Variants in BBOF1 observed in about 807,000 individuals in gnomAD.
The protein encoded by BBOF1 is basal body orientation factor 1.
A neutral mutation model predicts 68.0 loss-of-function variants in BBOF1; 62 were observed. That is an observed-to-expected ratio of 0.91 (90% confidence interval 0.74 to 1.13). The LOEUF is 1.13. Among genes scored for constraint, BBOF1 ranks in the 50% most tolerant of loss-of-function variants. BBOF1 has a pLI of 0.00. For synonymous variants in BBOF1, 208 were observed against 198.8 expected (o/e 1.05, Z -0.39); for missense variants, 534 against 600.1 (o/e 0.89, Z 1.15).
rs1352731764 is a variant in BBOF1 at position 74,046,131 on chromosome 14, G to A, written c.647+1G>A. 1 of 1,601,834 alleles carries A rather than the reference G, an allele frequency of 6.2e-7. No homozygotes were observed. Among genetic ancestry groups the A allele is most frequent in the Non-Finnish European group, 8.5e-7 (1 of 1,174,120 alleles). On this transcript the variant is annotated splice_donor_variant, in intron 6 of 11. Transcript: ENST00000394009. LOFTEE classifies it high-confidence loss of function. ...AGAGAGCCCACCATGAGGCTATTGT[G>A]TAAGAGACTGCTGCCTACTTTCTGA... is the stretch of plus-strand genomic sequence containing the variant.
At chr14:74,043,544 G>A (rs1332630769) in intron 5 of BBOF1, among the ~76,000 whole-genome samples, 2 of 114,804 alleles carry the variant, frequency 1.7e-5, no homozygotes, top group African/African-American at 6.6e-5. Flanking sequence ...GCAACAGAGC[G>A]AGACTCCGTC....
chr14:74,037,206 G>A (rs1039359092), intron 4 of BBOF1, among the ~76,000 whole-genome samples: 13 of 146,724 alleles, frequency 8.9e-5, no homozygotes, highest in Admixed American at 6.9e-4. Context: ...ATCTCCTGAC[G>A]TCATGATCTG....
chr14:74,053,921 C>G (rs1199107024), intron 8 of BBOF1, among the ~76,000 whole-genome samples: 1 of 151,758 alleles, frequency 6.6e-6, no homozygotes, highest in Admixed American at 6.6e-5. Context: ...GTCACCCAGG[C>G]TGGAGTGCAG....
At chr14:74,048,957 T>C (rs10150894) in intron 7 of BBOF1, among the ~76,000 whole-genome samples, 36,635 of 151,984 alleles carry the variant, frequency 0.24, 4,994 homozygotes, top group South Asian at 0.46. Flanking sequence ...ACTGCAACCT[T>C]TACCTCCTGG....
intron 4 of BBOF1, among the ~76,000 whole-genome samples, chr14:74,039,822 C>G (rs2059793004): frequency 6.6e-6 from 1 of 151,978 alleles, no homozygotes; most frequent in Non-Finnish European, 1.5e-5. Context: ...GTGTGTGCTG[C>G]CTACTTACCT....
rs2060241720 is a variant in BBOF1, at chr14:74,057,486, T to C, written c.1578+228T>C. ...GTGTGCCTCTTTTTGTGTAGAAACC[T>C]ATAGGTTGCCTTTTGAAGTAAACAG... On this transcript the variant is annotated intron_variant, in intron 11 of 11. Coordinates refer to ENST00000394009, the MANE Select transcript of BBOF1 (RefSeq NM_025057.3). The C allele has an allele frequency of 2.1e-6, 3 of 1,420,478 alleles. No homozygotes were observed. The African/African-American group carries it at 4.3e-5, about 20-fold the overall frequency. 88.0% of individuals were successfully genotyped at this position (1,420,478 alleles called of 1,614,324 possible).
At chr14:74,069,070 G>A, downstream of BBOF1, 3 of 1,110,634 alleles carry the variant, frequency 2.7e-6, no homozygotes, top group Non-Finnish European at 3.9e-6. Flanking sequence ...CTATGGATTT[G>A]AAGTTTTCCT....
Position 74,050,123 on chromosome 14 carries a change from A to G in BBOF1, c.1214A>G (p.Lys405Arg). 1 of 1,608,960 alleles carries G rather than the reference A, an allele frequency of 6.2e-7. No individual in the cohort carries two copies. The highest frequency in any genetic ancestry group is 1.3e-5 in the African/African-American group (1 of 74,902). Reference sequence around the variant, plus strand: ...TGTACAGGAAGAACAGAATATCCCAAAATCAGAACATTTGATGGCAGAGAG... The same window carrying G: ...TGTACAGGAAGAACAGAATATCCCAGAATCAGAACATTTGATGGCAGAGAG... ...AACTGRTEYP[K>R]IRTFDGREHS... Residue 405 changes from lysine (K) to arginine (R), a missense_variant, in exon 8 of 12, where the codon AAA becomes AGA. Lys to Arg is a conservative substitution (Grantham distance 26, BLOSUM62 2). Coordinates refer to ENST00000394009, the MANE Select transcript of BBOF1 (RefSeq NM_025057.3).
intron 1 of BBOF1, among the ~76,000 whole-genome samples, chr14:74,020,688 G>A (rs1407342188): frequency 6.6e-6 from 1 of 151,998 alleles, no homozygotes; most frequent in African/African-American, 2.4e-5. Context: ...ATTTTTAGTG[G>A]AGACAGGGTT....
At position 74,075,013 on chromosome 14, in the gene BBOF1, G is replaced by A. The variant is rs144485979; in HGVS notation, n.1380-3183G>A. On this transcript the variant is annotated intron_variant and non_coding_transcript_variant, in intron 9 of 12. Transcript: ENST00000492026. ...GGTGGGACTGGATTTCACCTTGGAA[G>A]AAACCTGTGAGGCAAAAGAACGATT... 1.1e-4 allele frequency: 185 copies of A among 1,613,860 alleles called. No homozygotes were observed. Among genetic ancestry groups the A allele is most frequent in the Non-Finnish European group, 1.5e-4 (179 of 1,179,914 alleles).
At chr14:74,045,675 A>G (rs576742649) in intron 5 of BBOF1, among the ~76,000 whole-genome samples, 2 of 152,336 alleles carry the variant, frequency 1.3e-5, no homozygotes, top group African/African-American at 4.8e-5. Context: ...CAAGTAAAAA[A>G]GAGATCAAGA....
chr14:74,041,419 T>C lies in BBOF1; in HGVS notation c.576+774T>C, dbSNP rs111950983. On this transcript the variant is annotated intron_variant, in intron 5 of 11. Transcript: ENST00000394009. ...CACTGGAACACTTCTACAGAATCCTTTCAGAGGCCTCATGGTTGTTCTTTA... is the reference window on the plus strand; with the variant it reads ...CACTGGAACACTTCTACAGAATCCTCTCAGAGGCCTCATGGTTGTTCTTTA... 9.5e-4 allele frequency among the ~76,000 whole-genome samples: 144 copies of C among 152,354 alleles called. 1 individual carries two copies. The highest frequency in any genetic ancestry group is 1.8e-3 in the Non-Finnish European group (122 of 68,036).
intron 4 of BBOF1, among the ~76,000 whole-genome samples, chr14:74,039,232 A>G (rs1251063884): frequency 6.6e-6 from 1 of 152,198 alleles, no homozygotes; most frequent in African/African-American, 2.4e-5. Context: ...CACTTTATAT[A>G]TTGTGAACAT....
At position 74,034,170 on chromosome 14, in the gene BBOF1, A is replaced by T. The variant is rs367784550; in HGVS notation, c.494A>T (p.Asp165Val). The T allele has an allele frequency of 4.5e-6, 7 of 1,541,558 alleles. No homozygotes were observed. The highest frequency in any genetic ancestry group is 5.2e-6 in the Non-Finnish European group (6 of 1,145,436). Residue 165 changes from aspartate to valine, a missense_variant and splice_region_variant, in exon 4 of 12, where the codon GAT (aspartate) becomes GTT (valine). Asp to Val is a radical substitution (Grantham distance 152). Coordinates refer to ENST00000394009, the MANE Select transcript of BBOF1 (RefSeq NM_025057.3). ...RKIQVERELD[D>V]LKENLRNTER... The stretch of plus-strand genomic sequence containing the variant: ...ATCCAAGTGGAGAGAGAGTTAGATG[A>T]TGTAAGTTTCATTCCTTTTTTACAA...
intron 12 of BBOF1, among the ~76,000 whole-genome samples, chr14:74,082,112 G>A (rs539609751): frequency 1.3e-5 from 2 of 152,266 alleles, no homozygotes; most frequent in Admixed American, 1.3e-4. Context: ...GGCTGAGATG[G>A]AAGAATCACT....
chr14:74,078,945 G>T (rs892158228), intron 10 of BBOF1, among the ~76,000 whole-genome samples: 1 of 151,782 alleles, frequency 6.6e-6, no homozygotes, highest in Non-Finnish European at 1.5e-5. Flanking sequence ...GATTACAGGG[G>T]TGAGCCACCC....
rs3742808 is a variant in BBOF1 at position 74,057,246 on chromosome 14, G to A, written c.1566G>A (p.Gln522=). The A allele has an allele frequency of 0.21, 339,555 of 1,613,462 alleles. 40,751 individuals carry two copies. The highest frequency in any genetic ancestry group is 0.46 in the South Asian group (41,587 of 91,056). The change falls in exon 11 of 12, where the codon CAG becomes CAA. Residue 522 remains glutamine (Q), a synonymous_variant. Transcript: ENST00000394009. ...TACCCACTATTCCAAAAGAACCTCA[G>A]GAGTCTGACACAGTAAGGAGTCTGT... ...VVLPTIPKEP[Q]ESDTGTF
At chr14:74,032,337 G>C (rs1389126336) in intron 3 of BBOF1, among the ~76,000 whole-genome samples, 1 of 151,788 alleles carries the variant, frequency 6.6e-6, no homozygotes, top group African/African-American at 2.4e-5. Context: ...ATGTTGGCCA[G>C]GCTGGTCTTG....
rs780100779 is a variant in BBOF1, at chr14:74,046,066, C to G, written c.583C>G (p.Leu195Val). The change falls in exon 6 of 12, where the codon CTA becomes GTA. Residue 195 changes from leucine to valine, a missense_variant. Leu to Val is a conservative substitution (Grantham distance 32). Coordinates refer to ENST00000394009, the MANE Select transcript of BBOF1 (RefSeq NM_025057.3). ...AGCCCATTTTCTTTTTTAGCACCGA[C>G]TAGAACAAGAGGCTGAAAAGAAGAT... Reference protein sequence around the residue: ...ESRFFEEKHRLEQEAEKKIIM... With the variant: ...ESRFFEEKHRVEQEAEKKIIM... 1.9e-6 allele frequency: 3 copies of G among 1,606,968 alleles called. No homozygotes were observed. The highest frequency in any genetic ancestry group is 2.2e-5 in the East Asian group (1 of 44,754).
Sources: allele counts gnomAD v4.1 joint callset (sites outside exome capture counted in the v4.1 genomes callset), GRCh38; gene constraint gnomAD v4.1.1; transcripts MANE v1.5; gene names NCBI Gene and HGNC (gene_info 2026-07-23, HGNC 2026-07-21).